The following RYR3 variants were observed in gnomAD, a reference collection of about 807,000 sequenced individuals.
RYR3 encodes ryanodine receptor 3.
RYR3 carries 207 observed loss-of-function variants against 584.3 expected under a neutral mutation model. That is an observed-to-expected ratio of 0.35 (90% CI 0.32 to 0.40). The LOEUF (loss-of-function observed/expected upper bound fraction) is 0.40, where lower values mean the gene tolerates loss of function less well. Ranked by LOEUF, RYR3 falls within the 10% of genes least tolerant of loss-of-function variation. The pLI is 1.00. For missense variants in RYR3, 5,616 were observed against 6,089.2 expected (o/e 0.92, Z 2.59); for synonymous variants, 2,416 against 2,248.5 (o/e 1.07, Z -2.11).
At chr15:33,779,178 G>A (rs2074223829) in intron 64 of RYR3, among the ~76,000 whole-genome samples, 1 of 152,006 alleles carries the variant, frequency 6.6e-6, no homozygotes, top group Non-Finnish European at 1.5e-5. Flanking sequence ...ATAGTCTTGT[G>A]CAGTCATTTT....
chr15:33,610,220 A>C (rs1407060094), intron 18 of RYR3, among the ~76,000 whole-genome samples: 4 of 152,142 alleles, frequency 2.6e-5, no homozygotes, highest in Admixed American at 6.5e-5. Context: ...GCCATTCTGC[A>C]ACTATGTTAG....
At chr15:33,862,486 T>C (rs8042944) in intron 102 of RYR3, among the ~76,000 whole-genome samples, 149,834 of 152,336 alleles carry the variant, frequency 0.98, 73,742 homozygotes, top group Middle Eastern at 1. Context: ...GGATTACGGG[T>C]GTGAGCCACT....
At chr15:33,480,654 G>T (rs1006201675) in intron 2 of RYR3, among the ~76,000 whole-genome samples, 2 of 152,170 alleles carry the variant, frequency 1.3e-5, no homozygotes, top group Non-Finnish European at 2.9e-5. Flanking sequence ...GAATCAGTGG[G>T]ATATAAGTTT....
intron 47 of RYR3, among the ~76,000 whole-genome samples, 188 bp from the exon 48 acceptor site, chr15:33,731,286 A>AT (rs1045407489): frequency 2.5e-4 from 37 of 150,688 alleles, no homozygotes; most frequent in African/African-American, 4.9e-4. Flanking sequence ...TTTTAACTTG[A>AT]TTTTTTTTCA....
rs1971097135 is a variant in RYR3, at chr15:33,336,532, G to GGAA, written c.51+25437_51+25438insAAG. Among the ~76,000 whole-genome samples the GGAA allele has an allele frequency of 9.1e-5, 2 of 22,020 alleles. 1 individual carries two copies. The highest frequency in any genetic ancestry group is 1.5e-4 in the Non-Finnish European group (2 of 12,968). 14.4% of individuals were successfully genotyped at this position (22,020 alleles called of 152,430 possible). ...AGGGAAGGAGGGAAGGAGGGAAGGAGGGAAGGAGGGAAGGAGGGAAGGAAG... is the reference window on the plus strand; with the variant it reads ...AGGGAAGGAGGGAAGGAGGGAAGGAGGAAGGAAGGAGGGAAGGAGGGAAGGAAG... On this transcript the variant is annotated intron_variant, in intron 1 of 103. Coordinates refer to ENST00000634891, the MANE Select transcript of RYR3 (RefSeq NM_001036.6).
chr15:33,547,250 A>G (rs1560967), intron 8 of RYR3, among the ~76,000 whole-genome samples: 19,353 of 152,222 alleles, frequency 0.13, 3,974 homozygotes, highest in African/African-American at 0.43. Flanking sequence ...CAAAGTCATG[A>G]GAAACAAGGC....
rs542737889 is a variant in RYR3 at position 33,859,842 on chromosome 15, G to GTTAAT, written c.14299+115_14299+119dup. The stretch of plus-strand genomic sequence containing the variant: ...AAGAAGCGTGTGAATTCATTTACTT[G>GTTAAT]TTAATTTAGCAAGAACTAATTTAGC... On this transcript the variant is annotated intron_variant, in intron 100 of 103. Transcript: ENST00000634891. The GTTAAT allele has an allele frequency of 1.9e-4, 224 of 1,210,288 alleles. 3 individuals are homozygous for GTTAAT. In the East Asian group the frequency reaches 5.7e-3, roughly 31 times the overall value. 75.0% of individuals were successfully genotyped at this position (1,210,288 alleles called of 1,614,324 possible).
At position 33,611,430 on chromosome 15, in the gene RYR3, C is replaced by G. The variant is rs992755659; in HGVS notation, c.2165-1753C>G. 4.6e-5 allele frequency among the ~76,000 whole-genome samples: 7 copies of G among 151,928 alleles called. No homozygotes were observed. The South Asian group carries it at 1.5e-3, about 32-fold the overall frequency. Reference sequence around the variant, plus strand: ...AGTTAGGCGGGCGTGGTGGCGGGCACCTGTAGTCCCAGCTACTTGGGAGGC... The same window carrying G: ...AGTTAGGCGGGCGTGGTGGCGGGCAGCTGTAGTCCCAGCTACTTGGGAGGC... On this transcript the variant is annotated intron_variant, in intron 18 of 103. Coordinates refer to ENST00000634891, the MANE Select transcript of RYR3 (RefSeq NM_001036.6).
chr15:33,705,827 C>G (rs1335730562), intron 42 of RYR3, among the ~76,000 whole-genome samples: 1 of 152,244 alleles, frequency 6.6e-6, no homozygotes, highest in Non-Finnish European at 1.5e-5. Context: ...CTGGGTCAGT[C>G]AGTGACTGAA....
intron 80 of RYR3, among the ~76,000 whole-genome samples, 162 bp downstream of exon 80, chr15:33,821,764 C>T (rs771480701): frequency 1.5e-4 from 23 of 152,202 alleles, no homozygotes; most frequent in Admixed American, 5.9e-4. Context: ...TAGCTGGGAA[C>T]GCAACATGGC....
At chr15:33,424,036 C>A (rs1013615912) in intron 1 of RYR3, among the ~76,000 whole-genome samples, 5 of 152,194 alleles carry the variant, frequency 3.3e-5, no homozygotes, top group African/African-American at 1.2e-4. Flanking sequence ...TGTCCCTAGT[C>A]TCTGGGCTAG....
At position 33,829,564 on chromosome 15, in the gene RYR3, C is replaced by T. The variant is rs1361389961; in HGVS notation, c.11335-1399C>T. 4.6e-5 allele frequency among the ~76,000 whole-genome samples: 7 copies of T among 151,714 alleles called. 1 individual carries two copies. Among genetic ancestry groups the T allele is most frequent in the South Asian group, 2.1e-4 (1 of 4,792 alleles). Reference sequence around the variant, plus strand: ...GAGATCGAGACCATCCTGGCTAACACGGTGAAACCCCATCTCTACTAAAAA... The same window carrying T: ...GAGATCGAGACCATCCTGGCTAACATGGTGAAACCCCATCTCTACTAAAAA... On this transcript the variant is annotated intron_variant, in intron 85 of 103. Coordinates refer to ENST00000634891, the MANE Select transcript of RYR3 (RefSeq NM_001036.6).
chr15:33,397,277 T>C, intron 1 of RYR3, among the ~76,000 whole-genome samples: 1 of 152,200 alleles, frequency 6.6e-6, no homozygotes, highest in Non-Finnish European at 1.5e-5. Flanking sequence ...AATGTACATA[T>C]TCAGCAGGTT....
At chr15:33,859,281 G>C (rs1443383319) in intron 99 of RYR3, among the ~76,000 whole-genome samples, 5 of 152,204 alleles carry the variant, frequency 3.3e-5, no homozygotes, top group Non-Finnish European at 5.9e-5. Context: ...ATATGGCATA[G>C]GCCATACTCA....
chr15:33,365,218 T>A (rs932305654), intron 1 of RYR3, among the ~76,000 whole-genome samples: 1 of 152,208 alleles, frequency 6.6e-6, no homozygotes, highest in Non-Finnish European at 1.5e-5. Flanking sequence ...GCCACAGTGT[T>A]TATCCATGTC....
chr15:33,854,832 G>A lies in RYR3; in HGVS notation c.13927G>A (p.Ala4643Thr). 2 of 1,613,780 alleles carry A rather than the reference G, an allele frequency of 1.2e-6. No individual in the cohort carries two copies. The highest frequency in any genetic ancestry group is 2.2e-5 in the South Asian group (2 of 91,040). Residue 4643 changes from alanine to threonine, a missense_variant, in exon 98 of 104, where the codon GCT (alanine) becomes ACT (threonine). Around this residue, in one of 9 missense-constraint regions of RYR3, gnomAD observed 918 missense variants for 887.4 expected, o/e 1.03. Transcript: ENST00000634891. ...VLGHYNNFFF[A>T]AHLLDIAMGF... ...GGGCCACTACAATAACTTCTTCTTTGCTGCTCACCTATTGGACATCGCAAT... is the reference window on the plus strand; with the variant it reads ...GGGCCACTACAATAACTTCTTCTTTACTGCTCACCTATTGGACATCGCAAT...
intron 60 of RYR3, 29 bp from the exon 61 acceptor site, chr15:33,768,629 T>A (rs1447002080): frequency 2.5e-6 from 4 of 1,610,898 alleles, no homozygotes; most frequent in Non-Finnish European, 3.4e-6. Flanking sequence ...TCTCTGTGAC[T>A]TTCTGAATTG....
At chr15:33,387,084 C>T (rs1304685629) in intron 1 of RYR3, among the ~76,000 whole-genome samples, 3 of 152,112 alleles carry the variant, frequency 2.0e-5, no homozygotes, top group East Asian at 3.9e-4. Context: ...GTCTCGATCT[C>T]CTGACCTCGT....
intron 57 of RYR3, among the ~76,000 whole-genome samples, chr15:33,754,471 C>T (rs777823219): frequency 1.5e-4 from 23 of 152,318 alleles, no homozygotes; most frequent in South Asian, 1.5e-3. Context: ...ACTGTCTCTT[C>T]GCCCCACCTT....
Sources: allele counts gnomAD v4.1 joint callset (sites outside exome capture counted in the v4.1 genomes callset), GRCh38; gene constraint gnomAD v4.1.1; regional missense constraint gnomAD v4.1.1; transcripts MANE v1.5; gene names NCBI Gene and HGNC (gene_info 2026-07-23, HGNC 2026-07-21).